UBASH3B: variants seen among roughly 807,000 people sequenced by gnomAD.
UBASH3B encodes the protein ubiquitin-associated and SH3 domain-containing protein B.
UBASH3B carries 37 observed loss-of-function variants against 83.4 expected under a neutral mutation model. The observed-to-expected ratio is 0.44, with a 90% CI of 0.34 to 0.58. The LOEUF (loss-of-function observed/expected upper bound fraction) is 0.58. Ranked by LOEUF, UBASH3B falls within the 20% of genes least tolerant of loss-of-function variation. UBASH3B has a pLI of 0.01. For synonymous variants in UBASH3B, 304 were observed against 318.3 expected (o/e 0.96, Z 0.48); for missense variants, 657 against 827.2 (o/e 0.79, Z 2.52).
chr11:122,715,848 A>T (rs1475202815), intron 1 of UBASH3B, among the ~76,000 whole-genome samples: 3 of 152,240 alleles, frequency 2.0e-5, no homozygotes, highest in Admixed American at 6.5e-5. Context: ...TGGCTTTGCC[A>T]CTATTTGCTG....
rs866349866 is a variant in UBASH3B at position 122,692,093 on chromosome 11, C to T, written c.161+35883C>T. ...GACAAGTGATTTAATCTCCCTAAGC[C>T]TAAGCCCAGATTTCCTCACTTGGAA... On this transcript the variant is annotated intron_variant, in intron 1 of 13. Coordinates refer to ENST00000284273, the MANE Select transcript of UBASH3B (RefSeq NM_032873.5). Among the ~76,000 whole-genome samples, 15 of 152,268 alleles carry T rather than the reference C, an allele frequency of 9.9e-5. 1 individual carries two copies. The South Asian group carries it at 3.1e-3, about 32-fold the overall frequency.
At chr11:122,738,631 G>A (rs1591793348) in intron 1 of UBASH3B, among the ~76,000 whole-genome samples, 1 of 152,192 alleles carries the variant, frequency 6.6e-6, no homozygotes, top group East Asian at 1.9e-4. Flanking sequence ...GCTCACGCCT[G>A]TAATCCTAGC....
chr11:122,798,873 C>A, intron 9 of UBASH3B, 69 bp from the exon 10 acceptor site: 1 of 1,372,516 alleles, frequency 7.3e-7, no homozygotes, highest in Non-Finnish European at 1.0e-6. Context: ...TTGGCCCCCT[C>A]TCACACTGCG....
chr11:122,807,001 T>C (rs987621243), intron 12 of UBASH3B, among the ~76,000 whole-genome samples: 1 of 152,214 alleles, frequency 6.6e-6, no homozygotes, highest in Admixed American at 6.5e-5. Flanking sequence ...CTGTTCACTA[T>C]CAATTTTTTA....
chr11:122,737,541 C>A (rs913274659), intron 1 of UBASH3B, among the ~76,000 whole-genome samples: 1 of 152,038 alleles, frequency 6.6e-6, no homozygotes, highest in Non-Finnish European at 1.5e-5. Context: ...GAATGAGGAG[C>A]GTCGCTAAAG....
At chr11:122,671,127 G>A (rs540848547) in intron 1 of UBASH3B, among the ~76,000 whole-genome samples, 1 of 152,344 alleles carries the variant, frequency 6.6e-6, no homozygotes, top group African/African-American at 2.4e-5. Flanking sequence ...GAACAGAGAT[G>A]CGGGGAGCTG....
chr11:122,691,248 A>G (rs951450128), intron 1 of UBASH3B, among the ~76,000 whole-genome samples: 1 of 152,214 alleles, frequency 6.6e-6, no homozygotes, highest in Non-Finnish European at 1.5e-5. Context: ...TAACATCATC[A>G]AGAAGCAGGA....
chr11:122,690,185 TA>T lies in UBASH3B; in HGVS notation c.161+33976del, dbSNP rs1394238899. On this transcript the variant is annotated intron_variant, in intron 1 of 13. Transcript: ENST00000284273. ...AGGAAAACATATATATATATATATA[TA>T]TATATATATATATATATATATATCC... 7.9e-3 allele frequency among the ~76,000 whole-genome samples: 171 copies of T among 21,666 alleles called. 7 individuals are homozygous for T. The highest frequency in any genetic ancestry group is 0.02 in the African/African-American group (130 of 6,486). 14.2% of individuals were successfully genotyped at this position (21,666 alleles called of 152,430 possible).
At chr11:122,740,384 A>G (rs1011905438) in intron 1 of UBASH3B, among the ~76,000 whole-genome samples, 65 of 152,220 alleles carry the variant, frequency 4.3e-4, no homozygotes, top group African/African-American at 1.5e-3. Context: ...ATGAAAGAGC[A>G]TGTACTTGAA....
intron 4 of UBASH3B, 189 bp from the exon 5 acceptor site, chr11:122,782,864 T>C (rs11218809): frequency 0.95 from 635,968 of 668,132 alleles, 303,483 homozygotes; most frequent in Middle Eastern, 0.99. Context: ...AACAGTGGCT[T>C]GATTCGGAAT....
intron 5 of UBASH3B, among the ~76,000 whole-genome samples, chr11:122,787,356 GCAAT>G (rs1300725787): frequency 6.6e-6 from 1 of 152,126 alleles, no homozygotes; most frequent in East Asian, 1.9e-4. Context: ...GAATAAGGAG[GCAAT>G]CAGAGCAGGG....
chr11:122,807,953 T>C lies in UBASH3B; in HGVS notation c.1703-114T>C, dbSNP rs1010218213. 1.2e-5 allele frequency: 9 copies of C among 780,194 alleles called. No homozygotes were observed. In the African/African-American group the frequency reaches 1.4e-4, roughly 12 times the overall value. 48.3% of individuals were successfully genotyped at this position (780,194 alleles called of 1,614,324 possible). ...CTTTCAAAATATTGCTTAGGCAAAT[T>C]GTCTTCTTGAGTGTGTTTGCTCCCC... On this transcript the variant is annotated intron_variant, in intron 12 of 13. Transcript: ENST00000284273.
intron 1 of UBASH3B, among the ~76,000 whole-genome samples, chr11:122,727,992 C>CTTATTA (rs1452793869): frequency 4.8e-5 from 6 of 125,382 alleles, no homozygotes; most frequent in African/African-American, 1.2e-4. Context: ...TTTAGCCCAT[C>CTTATTA]TTATCATTAT....
chr11:122,756,539 G>T (rs11218795), intron 1 of UBASH3B, among the ~76,000 whole-genome samples: 123 of 152,206 alleles, frequency 8.1e-4, no homozygotes, highest in Non-Finnish European at 6.3e-4. Flanking sequence ...GGCCATTTCT[G>T]CCTCTTTCAC....
At chr11:122,801,937 T>C (rs1310958374) in intron 11 of UBASH3B, among the ~76,000 whole-genome samples, 1 of 152,240 alleles carries the variant, frequency 6.6e-6, no homozygotes, top group African/African-American at 2.4e-5. Flanking sequence ...TTCCTTTCCT[T>C]TTTCCATTAG....
intron 1 of UBASH3B, among the ~76,000 whole-genome samples, chr11:122,723,247 C>T (rs935691091): frequency 1.3e-5 from 2 of 152,174 alleles, no homozygotes; most frequent in East Asian, 1.9e-4. Flanking sequence ...TTACAAAGCC[C>T]TTTTGTATAT....
intron 1 of UBASH3B, among the ~76,000 whole-genome samples, chr11:122,671,814 G>C (rs190481024): frequency 1.8e-3 from 277 of 152,370 alleles, no homozygotes; most frequent in Non-Finnish European, 3.3e-3. Flanking sequence ...TGACTCCCAG[G>C]GGGTGTTGAG....
chr11:122,768,196 A>G (rs10790528), intron 1 of UBASH3B, among the ~76,000 whole-genome samples: 15,848 of 152,122 alleles, frequency 0.1, 889 homozygotes, highest in Admixed American at 0.14. Context: ...TAACTGAGAA[A>G]GTACAGGGAA....
intron 1 of UBASH3B, among the ~76,000 whole-genome samples, chr11:122,698,882 C>T (rs574897864): frequency 6.6e-6 from 1 of 152,276 alleles, no homozygotes; most frequent in East Asian, 1.9e-4. Context: ...TGGAGTTTTG[C>T]TCTTGTAGCC....
Sources: allele counts gnomAD v4.1 joint callset (sites outside exome capture counted in the v4.1 genomes callset), GRCh38; gene constraint gnomAD v4.1.1; transcripts MANE v1.5; gene names NCBI Gene and HGNC (gene_info 2026-07-23, HGNC 2026-07-21).